LMNTD1: variants seen among roughly 807,000 people sequenced by gnomAD.
LMNTD1 encodes lamin tail domain containing 1.
LMNTD1 carries 35 observed loss-of-function variants against 50.9 expected under a neutral mutation model. The observed-to-expected ratio is 0.69, with a 90% CI of 0.53 to 0.91. The LOEUF is 0.91. Ranked by LOEUF, LMNTD1 falls within the 40% of genes least tolerant of loss-of-function variation. The probability of loss-of-function intolerance (pLI) is 0.00; values close to 1 mark genes in which losing one functional copy is unlikely to be tolerated. For synonymous variants in LMNTD1, 153 were observed against 161.9 expected, an observed-to-expected ratio of 0.94 and a Z score of 0.42; for missense variants, 470 against 475.5, an observed-to-expected ratio of 0.99 and a Z score of 0.11.
chr12:25,502,697 TGTGGCTATCACATTTTCAG>T (rs1939456651), intron 9 of LMNTD1, among the ~76,000 whole-genome samples: 1 of 152,186 alleles, frequency 6.6e-6, no homozygotes, highest in South Asian at 2.1e-4. Context: ...ATAGAGAAGT[TGTGGCTATCACATTTTCAG>T]GAAGTTGGCA....
At chr12:25,527,671 T>TATATA (rs1941868977) in intron 4 of LMNTD1, among the ~76,000 whole-genome samples, 2 of 22,028 alleles carry the variant, frequency 9.1e-5, no homozygotes, top group African/African-American at 2.2e-4. Context: ...TATATATATA[T>TATATA]ATATATATAT....
chr12:25,491,818 A>G (rs1007885759), intron 9 of LMNTD1, among the ~76,000 whole-genome samples: 2 of 152,336 alleles, frequency 1.3e-5, no homozygotes, highest in East Asian at 1.9e-4. Flanking sequence ...TAGGAGAGAC[A>G]ATAGGTTTCC....
intron 8 of LMNTD1, among the ~76,000 whole-genome samples, chr12:25,509,310 G>A (rs1460731642): frequency 6.6e-6 from 1 of 152,134 alleles, no homozygotes; most frequent in Non-Finnish European, 1.5e-5. Flanking sequence ...GTTTCACCAT[G>A]TTGGCCAGGC....
At chr12:25,647,827 T>A (rs1947106544) in intron 1 of LMNTD1, among the ~76,000 whole-genome samples, 3 of 152,232 alleles carry the variant, frequency 2.0e-5, no homozygotes, top group Non-Finnish European at 1.5e-5. Flanking sequence ...TCCTCTTGAC[T>A]ATTACAGATT....
At chr12:25,580,835 C>A (rs1382855) in intron 1 of LMNTD1, among the ~76,000 whole-genome samples, 25,257 of 152,104 alleles carry the variant, frequency 0.17, 2,505 homozygotes, top group East Asian at 0.35. Context: ...TGAGAGCAAT[C>A]TCTTAAACCT....
intron 2 of LMNTD1, among the ~76,000 whole-genome samples, chr12:25,551,788 C>G (rs1282841443): frequency 6.6e-6 from 1 of 152,222 alleles, no homozygotes; most frequent in Non-Finnish European, 1.5e-5. Context: ...GAACCTTCCA[C>G]TTGCCTACCT....
intron 1 of LMNTD1, among the ~76,000 whole-genome samples, chr12:25,568,589 G>A (rs1944655880): frequency 6.6e-6 from 1 of 152,216 alleles, no homozygotes; most frequent in African/African-American, 2.4e-5. Context: ...CTTCCTATCA[G>A]AGGCCCAGAG....
At chr12:25,482,306 T>C (rs1343315175) in intron 9 of LMNTD1, among the ~76,000 whole-genome samples, 3 of 151,970 alleles carry the variant, frequency 2.0e-5, no homozygotes, top group Non-Finnish European at 4.4e-5. Context: ...TTCAGCAATC[T>C]CCATCAGCTT....
Position 25,518,921 on chromosome 12 carries a change from A to G in LMNTD1, c.1063T>C (p.Cys355Arg), listed in dbSNP as rs1230101626. Reference sequence around the variant, plus strand: ...TGTGCAGAGACATAGGGATTCTGGCACCAAGGGCTGCGATTAGGGAAAACG... The same window carrying G: ...TGTGCAGAGACATAGGGATTCTGGCGCCAAGGGCTGCGATTAGGGAAAACG... ...PTVFPNRSPW[C>R]QNPYVSAHPY... Residue 355 changes from cysteine (C) to arginine (R), a missense_variant, in exon 8 of 10, where the codon TGC becomes CGC. Cys to Arg is a radical substitution (Grantham distance 180, BLOSUM62 -3). Transcript: ENST00000458174. The G allele has an allele frequency of 6.2e-7, 1 of 1,614,072 alleles. No homozygotes were observed. The highest frequency in any genetic ancestry group is 1.3e-5 in the African/African-American group (1 of 74,924).
chr12:25,601,437 T>C (rs926864892), intron 1 of LMNTD1, among the ~76,000 whole-genome samples: 1 of 151,980 alleles, frequency 6.6e-6, no homozygotes, highest in African/African-American at 2.4e-5. Flanking sequence ...AATTTCATTA[T>C]ACATTTTAAA....
chr12:25,622,167 G>A (rs1246315690), intron 1 of LMNTD1, among the ~76,000 whole-genome samples: 1 of 152,230 alleles, frequency 6.6e-6, no homozygotes, highest in African/African-American at 2.4e-5. Flanking sequence ...AGAGGAACAA[G>A]CTTGGGATTG....
At chr12:25,493,227 T>C (rs1938945648) in intron 9 of LMNTD1, among the ~76,000 whole-genome samples, 1 of 152,224 alleles carries the variant, frequency 6.6e-6, no homozygotes, top group Non-Finnish European at 1.5e-5. Flanking sequence ...ATTATTTTCA[T>C]GCTTAGTGTA....
chr12:25,546,388 G>A lies in LMNTD1; in HGVS notation c.477C>T (p.Gly159=). The A allele has an allele frequency of 3.2e-6, 5 of 1,581,040 alleles. No individual in the cohort carries two copies. Among genetic ancestry groups the A allele is most frequent in the Non-Finnish European group, 4.3e-6 (5 of 1,162,008 alleles). ...AAAATATGTACCTGGAGGTAAATTG[G>A]CCAACTTCTTCAAGAATCATAGAAA... ...KYFSMILEEV[G]QFTSSSLGDV... Residue 159 remains glycine, a synonymous_variant, in exon 4 of 10, where the codon GGC becomes GGT. Coordinates refer to ENST00000458174, the MANE Select transcript of LMNTD1 (RefSeq NM_001145728.2).
intron 3 of LMNTD1, among the ~76,000 whole-genome samples, chr12:25,547,825 C>T (rs1447325084): frequency 6.6e-6 from 1 of 151,670 alleles, no homozygotes; most frequent in African/African-American, 2.4e-5. Flanking sequence ...TTGTCTAGAA[C>T]AAAAGATAAC....
At chr12:25,490,363 A>C (rs1464118321) in intron 9 of LMNTD1, among the ~76,000 whole-genome samples, 2 of 152,188 alleles carry the variant, frequency 1.3e-5, no homozygotes, top group African/African-American at 4.8e-5. Context: ...ATCCTTTTTC[A>C]AGGGCCTCAT....
intron 1 of LMNTD1, among the ~76,000 whole-genome samples, chr12:25,595,079 A>T (rs938190471): frequency 1.3e-5 from 2 of 152,160 alleles, no homozygotes; most frequent in African/African-American, 4.8e-5. Context: ...TCCCAAACTT[A>T]TAAAACAATT....
rs55848800 is a variant in LMNTD1 at position 25,552,581 on chromosome 12, GAAAAAAAA to G, written c.89+282_89+289del. Among the ~76,000 whole-genome samples, 20 of 58,170 alleles carry G rather than the reference GAAAAAAAA, an allele frequency of 3.4e-4. 1 individual carries two copies. The highest frequency in any genetic ancestry group is 4.2e-4 in the Non-Finnish European group (13 of 30,886). 38.2% of individuals were successfully genotyped at this position (58,170 alleles called of 152,430 possible). A position where few individuals can be genotyped will look rare whatever the true frequency, so the allele number is the denominator to read the frequency against. ...AAGATCGCGCCACTGCACTCTGTCT[GAAAAAAAA>G]AAAAAAAAAAAACGGAACTTTGGCT... On this transcript the variant is annotated intron_variant, in intron 2 of 9. Transcript: ENST00000458174.
chr12:25,564,470 G>C (rs1944469891), intron 1 of LMNTD1, among the ~76,000 whole-genome samples: 1 of 152,100 alleles, frequency 6.6e-6, no homozygotes, highest in Admixed American at 6.5e-5. Flanking sequence ...TGTTGGCCAG[G>C]CTGATCTAGA....
chr12:25,619,217 ACT>A lies in LMNTD1; in HGVS notation c.58+29275_58+29276del, dbSNP rs143233739. Among the ~76,000 whole-genome samples the A allele has an allele frequency of 4.8e-3, 575 of 119,940 alleles. 1 individual carries two copies. Among genetic ancestry groups the A allele is most frequent in the African/African-American group, 0.013 (409 of 31,300 alleles). 78.7% of individuals were successfully genotyped at this position (119,940 alleles called of 152,430 possible). A position where few individuals can be genotyped will look rare whatever the true frequency, so the allele number is the denominator to read the frequency against. On this transcript the variant is annotated intron_variant, in intron 1 of 7. Transcript: ENST00000445693. ...CTGGGTAAGGGATACATGCTTTTCA[ACT>A]CTCTCTCTCTCTCTCTCTCTCTCTC...
Sources: gnomAD v4.1 joint callset for allele counts (sites outside exome capture counted in the v4.1 genomes callset) on GRCh38, gnomAD v4.1.1 for gene constraint, MANE v1.5 for transcripts, NCBI Gene and HGNC (gene_info 2026-07-23, HGNC 2026-07-21) for gene names.